CHRM5: variants seen among roughly 807,000 people sequenced by gnomAD.
The protein encoded by CHRM5 is muscarinic acetylcholine receptor M5.
Under a neutral mutation model 39.0 loss-of-function variants are expected in CHRM5, and 18 were observed. The observed-to-expected ratio is 0.46, with a 90% CI of 0.32 to 0.68. The LOEUF (loss-of-function observed/expected upper bound fraction) is 0.68, where lower values mean the gene tolerates loss of function less well. Ranked by LOEUF, CHRM5 falls within the 30% of genes least tolerant of loss-of-function variation. The pLI is 0.04. For synonymous variants in CHRM5, 241 were observed against 246.3 expected, an observed-to-expected ratio of 0.98 and a Z score of 0.20; for missense variants, 515 against 651.1, an observed-to-expected ratio of 0.79 and a Z score of 2.28.
At chr15:34,059,912 C>T (rs1479689847) in intron 2 of CHRM5, among the ~76,000 whole-genome samples, 2 of 152,152 alleles carry the variant, frequency 1.3e-5, no homozygotes, top group Non-Finnish European at 2.9e-5. Context: ...GAGACATTAG[C>T]CTATTCCATG....
At chr15:33,999,445 G>A (rs1021304913) in intron 1 of CHRM5, among the ~76,000 whole-genome samples, 1 of 151,950 alleles carries the variant, frequency 6.6e-6, no homozygotes, top group Admixed American at 6.6e-5. Flanking sequence ...ATTTATTAAG[G>A]AATTCTGACT....
At chr15:34,011,023 C>T (rs1193873587) in intron 1 of CHRM5, among the ~76,000 whole-genome samples, 2 of 151,950 alleles carry the variant, frequency 1.3e-5, no homozygotes, top group Admixed American at 6.5e-5. Context: ...TGACAGTTTT[C>T]GATATTTGAA....
intron 1 of CHRM5, chr15:33,990,780 C>T (rs1896688555): frequency 6.6e-6 from 1 of 152,098 alleles, no homozygotes; most frequent in African/African-American, 2.4e-5. Flanking sequence ...TTTAATTTGC[C>T]GTAAGACGAA....
At chr15:34,044,799 C>T (rs1447275488) in intron 1 of CHRM5, among the ~76,000 whole-genome samples, 1 of 152,152 alleles carries the variant, frequency 6.6e-6, no homozygotes, top group African/African-American at 2.4e-5. Context: ...GCCTGTAATC[C>T]CAGCACTTTG....
At chr15:34,018,126 CTG>C (rs1898028491) in intron 1 of CHRM5, 1 of 152,194 alleles carries the variant, frequency 6.6e-6, no homozygotes, top group Non-Finnish European at 1.5e-5. Context: ...AAAAAGCTAA[CTG>C]TAAGCCTCAA....
rs200324244 is a variant in CHRM5 at position 34,003,492 on chromosome 15, C to T, written c.-408+34342C>T. Reference sequence around the variant, plus strand: ...CCTATGTATCCTATTTCAATAGTTGCTTCATCCAGTTGAAATAATCAAGGC... The same window carrying T: ...CCTATGTATCCTATTTCAATAGTTGTTTCATCCAGTTGAAATAATCAAGGC... On this transcript the variant is annotated intron_variant, in intron 1 of 2. Transcript: ENST00000383263. Among the ~76,000 whole-genome samples the T allele has an allele frequency of 3.9e-5, 6 of 152,284 alleles. No individual in the cohort carries two copies. The East Asian group carries it at 1.2e-3, about 29-fold the overall frequency.
At chr15:34,015,974 T>C (rs1357905345) in intron 1 of CHRM5, among the ~76,000 whole-genome samples, 1 of 152,212 alleles carries the variant, frequency 6.6e-6, no homozygotes, top group Non-Finnish European at 1.5e-5. Context: ...GTAACCATTA[T>C]GTGACATAAA....
At chr15:33,991,297 A>T (rs1896712698) in intron 1 of CHRM5, 1 of 152,206 alleles carries the variant, frequency 6.6e-6, no homozygotes, top group African/African-American at 2.4e-5. Context: ...TATTTTGCAA[A>T]ACAAGAATGA....
At chr15:34,047,729 G>T (rs1388471103) in intron 2 of CHRM5, among the ~76,000 whole-genome samples, 3 of 151,304 alleles carry the variant, frequency 2.0e-5, no homozygotes, top group Non-Finnish European at 4.4e-5. Flanking sequence ...TCAGTTGGTG[G>T]CCAGACTGCT....
rs10632153 is a variant in CHRM5, at chr15:34,062,554, CAAAAAAAA to C, written c.-75-76_-75-69del. ...TGGGTGACAAAGCGAGATTCTGTCT[CAAAAAAAA>C]AAAAAAAAAAAACTATAAACAATGG... On this transcript the variant is annotated intron_variant, in intron 2 of 2. Transcript: ENST00000383263. 5 of 409,232 alleles carry C rather than the reference CAAAAAAAA, an allele frequency of 1.2e-5. No homozygotes were observed. The Admixed American group carries it at 1.7e-4, about 14-fold the overall frequency. The allele number at this position is 409,232 out of a possible 1,614,324, so 25.4% of individuals were successfully genotyped here. A position where few individuals can be genotyped will look rare whatever the true frequency, so the allele number is the denominator to read the frequency against.
intron 2 of CHRM5, among the ~76,000 whole-genome samples, chr15:34,057,326 T>C (rs1900195210): frequency 6.6e-6 from 1 of 151,528 alleles, no homozygotes; most frequent in Non-Finnish European, 1.5e-5. Context: ...GTATTTTTAG[T>C]AGAGACGGGG....
At chr15:34,047,615 ACC>A (rs1491513247) in intron 2 of CHRM5, among the ~76,000 whole-genome samples, 1 of 152,148 alleles carries the variant, frequency 6.6e-6, no homozygotes, top group Non-Finnish European at 1.5e-5. Context: ...GATGACTGTT[ACC>A]TCTGTGGTTC....
chr15:33,982,071 T>G (rs1896176063), intron 1 of CHRM5, among the ~76,000 whole-genome samples: 1 of 151,894 alleles, frequency 6.6e-6, no homozygotes, highest in Admixed American at 6.6e-5. Flanking sequence ...TTCACCACAC[T>G]GGCCAGGCTG....
rs543719750 is a variant in CHRM5, at chr15:33,971,327, G to A, written c.-408+2177G>A. On this transcript the variant is annotated intron_variant, in intron 1 of 2. Transcript: ENST00000383263. ...TATATTGTAAAAGTAATGTGATTGT[G>A]TATCATTAGTTCCTTTCATAGAAAT... 5.3e-5 allele frequency among the ~76,000 whole-genome samples: 8 copies of A among 152,098 alleles called. 1 individual carries two copies. The highest frequency in any genetic ancestry group is 1.9e-4 in the African/African-American group (8 of 41,560).
At chr15:34,027,189 C>T (rs1288909406) in intron 1 of CHRM5, among the ~76,000 whole-genome samples, 1 of 152,074 alleles carries the variant, frequency 6.6e-6, no homozygotes, top group Non-Finnish European at 1.5e-5. Flanking sequence ...CAGTAACGTG[C>T]CCCATTCCCA....
intron 1 of CHRM5, among the ~76,000 whole-genome samples, chr15:33,992,267 G>C (rs1046149790): frequency 3.3e-5 from 5 of 152,282 alleles, no homozygotes; most frequent in Non-Finnish European, 7.4e-5. Flanking sequence ...GCGGGCACCT[G>C]TAGTCCCAGC....
At chr15:33,992,250 C>T (rs781005319) in intron 1 of CHRM5, among the ~76,000 whole-genome samples, 21 of 152,130 alleles carry the variant, frequency 1.4e-4, no homozygotes, top group Non-Finnish European at 2.5e-4. Context: ...GTTAGCTGGG[C>T]GTGGTGGCGG....
chr15:34,062,948 C>T lies in CHRM5; in HGVS notation c.231C>T (p.Leu77=). 1 of 1,614,124 alleles carries T rather than the reference C, an allele frequency of 6.2e-7. No homozygotes were observed. The highest frequency in any genetic ancestry group is 8.5e-7 in the Non-Finnish European group (1 of 1,180,024). ...TGCTCAGCTTAGCCTGTGCAGATCT[C>T]ATCATTGGAATCTTCTCCATGAACC... is the stretch of plus-strand genomic sequence containing the variant. ...YYLLSLACAD[L]IIGIFSMNLY... Residue 77 remains leucine (L), a synonymous_variant, in exon 3 of 3, where the codon CTC becomes CTT. Transcript: ENST00000383263.
chr15:34,064,214 CA>C lies in CHRM5; in HGVS notation c.1498del (p.Arg500GlufsTer51), dbSNP rs1190226043. 2.5e-6 allele frequency: 4 copies of C among 1,614,040 alleles called. No individual in the cohort carries two copies. The highest frequency in any genetic ancestry group is 3.4e-6 in the Non-Finnish European group (4 of 1,180,044). On this transcript the variant is annotated frameshift_variant, in exon 3 of 3. Transcript: ENST00000383263. LOFTEE classifies it high-confidence loss of function. ...ACCCCATCTGCTATGCCCTCTGCAA[CA>C]GAACCTTCAGGAAGACCTTTAAGAT... The part of the protein sequence containing the change: ...VNPICYALCN[R>X]TFRKTFKMLL...
Sources: gnomAD v4.1 joint callset for allele counts (sites outside exome capture counted in the v4.1 genomes callset) on GRCh38, gnomAD v4.1.1 for gene constraint, MANE v1.5 for transcripts, NCBI Gene and HGNC (gene_info 2026-07-23, HGNC 2026-07-21) for gene names.